The following ANKRD62 variants were observed in gnomAD, a reference collection of about 807,000 sequenced individuals.
ANKRD62 encodes ankyrin repeat domain 62.
ANKRD62 carries 61 observed loss-of-function variants against 98.8 expected under a neutral mutation model. That is an observed-to-expected ratio of 0.62 (90% CI 0.50 to 0.76). The LOEUF (loss-of-function observed/expected upper bound fraction) is 0.76, where lower values mean the gene tolerates loss of function less well. Ranked by LOEUF, ANKRD62 falls within the 30% of genes least tolerant of loss-of-function variation. ANKRD62 has a pLI of 0.00. For missense variants in ANKRD62, 933 were observed against 1,082.9 expected, an observed-to-expected ratio of 0.86 and a Z score of 1.94; for synonymous variants, 341 against 367.9, an observed-to-expected ratio of 0.93 and a Z score of 0.84.
intron 6 of ANKRD62, among the ~76,000 whole-genome samples, chr18:12,101,127 T>C (rs1176613564): frequency 1.3e-5 from 2 of 152,294 alleles, no homozygotes; most frequent in Non-Finnish European, 1.5e-5. Context: ...TATTCTTAAC[T>C]GAAAAACACT....
At chr18:12,106,991 A>AGG (rs1909426574) in intron 7 of ANKRD62, among the ~76,000 whole-genome samples, 1 of 152,160 alleles carries the variant, frequency 6.6e-6, no homozygotes, top group Non-Finnish European at 1.5e-5. Flanking sequence ...GCTCATCACA[A>AGG]GGGCACCGGG....
chr18:12,133,222 C>T (rs1357404289), downstream of ANKRD62, among the ~76,000 whole-genome samples: 1 of 152,142 alleles, frequency 6.6e-6, no homozygotes, highest in African/African-American at 2.4e-5. Flanking sequence ...TTTCAAGGCT[C>T]ATCTATATCA....
the ANKRD62 span, among the ~76,000 whole-genome samples, chr18:12,153,305 A>G: frequency 6.6e-6 from 1 of 152,154 alleles, no homozygotes; most frequent in African/African-American, 2.4e-5. Flanking sequence ...AACTAGAAAA[A>G]ACGGGCCAGG....
intron 8 of ANKRD62, among the ~76,000 whole-genome samples, chr18:12,110,100 T>G (rs1436749609): frequency 6.6e-6 from 1 of 152,230 alleles, no homozygotes; most frequent in African/African-American, 2.4e-5. Flanking sequence ...GTCTTTAGTC[T>G]TCCTTTGAAA....
At chr18:12,140,064 C>T in the ANKRD62 span, among the ~76,000 whole-genome samples, 1 of 152,044 alleles carries the variant, frequency 6.6e-6, no homozygotes, top group African/African-American at 2.4e-5. Flanking sequence ...TCTTTTTTCT[C>T]TAAACTTTTC....
the ANKRD62 span, among the ~76,000 whole-genome samples, chr18:12,172,931 T>A: frequency 6.6e-6 from 1 of 152,228 alleles, no homozygotes; most frequent in Admixed American, 6.5e-5. Context: ...AATTTGCTGG[T>A]GTGCCATTTG....
At chr18:12,099,749 G>T (rs1387503600) in intron 6 of ANKRD62, 67 bp downstream of exon 6, 2 of 898,652 alleles carry the variant, frequency 2.2e-6, no homozygotes, top group East Asian at 3.1e-5. Context: ...GAGGAAGGAA[G>T]TTTTGATCAC....
chr18:12,170,963 T>G, the ANKRD62 span, among the ~76,000 whole-genome samples: 1 of 151,604 alleles, frequency 6.6e-6, no homozygotes, highest in African/African-American at 2.4e-5. Context: ...CCCTGCTTTT[T>G]TTTTTTTTTT....
chr18:12,097,698 C>G lies in ANKRD62; in HGVS notation c.673C>G (p.Gln225Glu). The G allele has an allele frequency of 6.5e-7, 1 of 1,536,050 alleles. No homozygotes were observed. The highest frequency in any genetic ancestry group is 8.7e-7 in the Non-Finnish European group (1 of 1,146,816). The stretch of plus-strand genomic sequence containing the variant: ...AACAAGTGTAGTCTACCAGCTTCTT[C>G]AGCACAATATTGATGTCTTTTGCCA... ...GSTSVVYQLL[Q>E]HNIDVFCQDI... The change falls in exon 5 of 14, where the codon CAG becomes GAG. Residue 225 changes from glutamine to glutamate, a missense_variant. Coordinates refer to ENST00000587848, the MANE Select transcript of ANKRD62 (RefSeq NM_001277333.2).
At chr18:12,160,482 TA>T in the ANKRD62 span, among the ~76,000 whole-genome samples, 2 of 152,266 alleles carry the variant, frequency 1.3e-5, no homozygotes, top group East Asian at 1.9e-4. Flanking sequence ...GCTGAGGAAG[TA>T]AATCAACAGG....
At chr18:12,171,663 T>C in the ANKRD62 span, among the ~76,000 whole-genome samples, 109 of 152,334 alleles carry the variant, frequency 7.2e-4, no homozygotes, top group African/African-American at 2.0e-3. Flanking sequence ...TTTTCTGTAT[T>C]TCCTGAATTT....
intron 8 of ANKRD62, among the ~76,000 whole-genome samples, chr18:12,113,271 T>TA (rs1166355699): frequency 6.6e-6 from 1 of 152,122 alleles, no homozygotes; most frequent in East Asian, 1.9e-4. Context: ...CACTGATCGT[T>TA]AGAGAAATGC....
chr18:12,135,869 T>C, the ANKRD62 span, among the ~76,000 whole-genome samples: 1 of 152,052 alleles, frequency 6.6e-6, no homozygotes, highest in Admixed American at 6.6e-5. Context: ...TCATATCCTT[T>C]GCCCACTTTT....
In ANKRD62 at chr18:12,095,470, A is replaced by C. The variant is rs936730462; in HGVS notation, c.367A>C (p.Ile123Leu). The C allele has an allele frequency of 6.3e-7, 1 of 1,576,296 alleles. No individual in the cohort carries two copies. Among genetic ancestry groups the C allele is most frequent in the African/African-American group, 1.3e-5 (1 of 74,514 alleles). The stretch of plus-strand genomic sequence containing the variant: ...ATGTCAAGAAGAAGTTTGTGCATCC[A>C]TCCTGCTGGAACATGGCGCCAACCC... Reference protein sequence around the residue: ...VQCQEEVCASILLEHGANPNV... With the variant: ...VQCQEEVCASLLLEHGANPNV... The change falls in exon 3 of 14, where the codon ATC becomes CTC. Residue 123 changes from isoleucine to leucine, a missense_variant. Around this residue, in one of 3 missense-constraint regions of ANKRD62, gnomAD observed 549 missense variants for 587.9 expected, o/e 0.93. Transcript: ENST00000587848.
At chr18:12,161,737 C>T in the ANKRD62 span, among the ~76,000 whole-genome samples, 4 of 152,014 alleles carry the variant, frequency 2.6e-5, no homozygotes, top group Admixed American at 1.3e-4. Context: ...CAAGTGTAAT[C>T]GTTTTGAATT....
the ANKRD62 span, among the ~76,000 whole-genome samples, chr18:12,141,435 A>C: frequency 6.6e-6 from 1 of 152,038 alleles, no homozygotes; most frequent in Non-Finnish European, 1.5e-5. Context: ...TGTCGCTCAC[A>C]CTGGGAGCTG....
chr18:12,134,323 T>C (rs1910047571), downstream of ANKRD62, among the ~76,000 whole-genome samples: 1 of 152,244 alleles, frequency 6.6e-6, no homozygotes, highest in South Asian at 2.1e-4. Flanking sequence ...AAAATTGCAG[T>C]GTTTGTCCCT....
the ANKRD62 span, among the ~76,000 whole-genome samples, chr18:12,151,967 A>G: frequency 6.6e-6 from 1 of 151,976 alleles, no homozygotes; most frequent in Non-Finnish European, 1.5e-5. Flanking sequence ...CCTTCTTAGA[A>G]GAGATAGGTA....
the ANKRD62 span, among the ~76,000 whole-genome samples, chr18:12,152,944 A>T: frequency 6.6e-6 from 1 of 152,218 alleles, no homozygotes; most frequent in Non-Finnish European, 1.5e-5. Flanking sequence ...TTAAGCTGAT[A>T]AACAACTTTA....
Sources: gnomAD v4.1 joint callset for allele counts (sites outside exome capture counted in the v4.1 genomes callset) on GRCh38, gnomAD v4.1.1 for gene constraint, gnomAD v4.1.1 regional missense constraint, MANE v1.5 for transcripts, NCBI Gene and HGNC (gene_info 2026-07-23, HGNC 2026-07-21) for gene names.